The following NOS1AP variants were observed in gnomAD, a reference collection of about 807,000 sequenced individuals.
NOS1AP encodes nitric oxide synthase 1 adaptor protein.
NOS1AP carries 21 observed loss-of-function variants against 56.2 expected under a neutral mutation model. The observed-to-expected ratio is 0.37, with a 90% CI of 0.26 to 0.54. NOS1AP has a LOEUF of 0.54. Among genes scored for constraint, NOS1AP ranks in the 20% least tolerant of loss-of-function variants. The pLI, the probability that NOS1AP is intolerant of heterozygous loss-of-function variation, is 0.84. For synonymous variants in NOS1AP, 270 were observed against 274.6 expected (o/e 0.98, Z 0.17); for missense variants, 522 against 657.8 (o/e 0.79, Z 2.26).
intron 8 of NOS1AP, 164 bp downstream of exon 8, chr1:162,357,300 A>G: frequency 7.9e-7 from 1 of 1,263,210 alleles, no homozygotes; most frequent in Non-Finnish European, 1.1e-6. Flanking sequence ...CGGGAGGGGG[A>G]TAGATGGGGG....
intron 1 of NOS1AP, among the ~76,000 whole-genome samples, chr1:162,139,600 T>TA (rs1649146781): frequency 6.6e-6 from 1 of 152,234 alleles, no homozygotes; most frequent in South Asian, 2.1e-4. Context: ...TGCAGTGGAA[T>TA]AACCCTTTGT....
intron 2 of NOS1AP, among the ~76,000 whole-genome samples, chr1:162,210,167 C>T (rs1234918578): frequency 6.6e-6 from 1 of 152,134 alleles, no homozygotes; most frequent in Non-Finnish European, 1.5e-5. Context: ...GAGAGAGTAT[C>T]ACTTTAACTA....
intron 1 of NOS1AP, among the ~76,000 whole-genome samples, chr1:162,082,433 A>G (rs1469481905): frequency 1.3e-5 from 2 of 152,152 alleles, no homozygotes; most frequent in Admixed American, 6.5e-5. Context: ...AGAATGATTT[A>G]TATTTCTTTA....
intron 2 of NOS1AP, among the ~76,000 whole-genome samples, chr1:162,170,048 G>C (rs1344196668): frequency 6.6e-6 from 1 of 152,076 alleles, no homozygotes; most frequent in African/African-American, 2.4e-5. Flanking sequence ...GCACCCCTTT[G>C]AACTCAGACA....
chr1:162,347,391 G>A (rs928352460), intron 6 of NOS1AP, among the ~76,000 whole-genome samples: 1 of 152,226 alleles, frequency 6.6e-6, no homozygotes, highest in Non-Finnish European at 1.5e-5. Flanking sequence ...TATTCCTGGA[G>A]TGAAAGCGGT....
intron 1 of NOS1AP, among the ~76,000 whole-genome samples, chr1:162,074,389 C>T (rs1044039784): frequency 1.3e-5 from 2 of 152,198 alleles, no homozygotes; most frequent in Non-Finnish European, 2.9e-5. Flanking sequence ...TCCTAACACT[C>T]ATTGCCTAGA....
chr1:162,281,057 C>T (rs1419935430), intron 2 of NOS1AP, among the ~76,000 whole-genome samples: 2 of 152,156 alleles, frequency 1.3e-5, no homozygotes, highest in East Asian at 1.9e-4. Flanking sequence ...TCACGACCAT[C>T]CCCCCAATCA....
chr1:162,104,447 T>G (rs1451685946), intron 1 of NOS1AP, among the ~76,000 whole-genome samples: 1 of 152,236 alleles, frequency 6.6e-6, no homozygotes, highest in Non-Finnish European at 1.5e-5. Flanking sequence ...AATTTGAATG[T>G]TGGCATGTCT....
intron 2 of NOS1AP, among the ~76,000 whole-genome samples, chr1:162,259,714 G>A (rs758019633): frequency 6.6e-6 from 1 of 152,146 alleles, no homozygotes; most frequent in Non-Finnish European, 1.5e-5. Flanking sequence ...GTTTTTAAAA[G>A]CATTAAAACA....
At position 162,119,809 on chromosome 1, in the gene NOS1AP, A is replaced by G. The variant is rs1648129357; in HGVS notation, c.106-34596A>G. ...AAAGGTATTCTTTTCAGATGAGGGG[A>G]TTTACAGAGGCACTTGGAATTGCGT... On this transcript the variant is annotated intron_variant, in intron 1 of 9. Coordinates refer to ENST00000361897, the MANE Select transcript of NOS1AP (RefSeq NM_014697.3). 3.3e-5 allele frequency among the ~76,000 whole-genome samples: 5 copies of G among 152,210 alleles called. No homozygotes were observed. The South Asian group carries it at 1.0e-3, about 32-fold the overall frequency.
intron 2 of NOS1AP, among the ~76,000 whole-genome samples, chr1:162,255,338 G>A (rs919687811): frequency 1.3e-5 from 2 of 152,022 alleles, no homozygotes; most frequent in Non-Finnish European, 1.5e-5. Flanking sequence ...TCCTGTTTCA[G>A]CTGGCCCTGG....
At chr1:162,173,515 A>G (rs1650907093) in intron 2 of NOS1AP, among the ~76,000 whole-genome samples, 1 of 152,250 alleles carries the variant, frequency 6.6e-6, no homozygotes, top group Non-Finnish European at 1.5e-5. Context: ...ATGGGCAAGG[A>G]CTTCATGTCT....
At chr1:162,355,456 A>C in intron 7 of NOS1AP, 103 bp downstream of exon 7, 1 of 1,426,374 alleles carries the variant, frequency 7.0e-7, no homozygotes, top group Admixed American at 1.7e-5. Flanking sequence ...GAGGCACTCC[A>C]TGGCACAGTG....
chr1:162,330,527 G>A (rs185737719), intron 4 of NOS1AP, among the ~76,000 whole-genome samples: 36 of 152,332 alleles, frequency 2.4e-4, no homozygotes, highest in Non-Finnish European at 3.2e-4. Flanking sequence ...TTGGGAAGAT[G>A]CACACACCTA....
chr1:162,135,528 C>A (rs1445799593), intron 1 of NOS1AP, among the ~76,000 whole-genome samples: 1 of 152,114 alleles, frequency 6.6e-6, no homozygotes, highest in Non-Finnish European at 1.5e-5. Context: ...GCAGAACTGG[C>A]ATTTATTTTG....
chr1:162,180,752 G>T (rs74125964), intron 2 of NOS1AP, among the ~76,000 whole-genome samples: 2,127 of 152,228 alleles, frequency 0.014, 59 homozygotes, highest in African/African-American at 0.048. Flanking sequence ...GATGACCCAT[G>T]AGCTTCAGAA....
chr1:162,350,261 G>A (rs1187318803), intron 6 of NOS1AP, among the ~76,000 whole-genome samples: 1 of 152,230 alleles, frequency 6.6e-6, no homozygotes, highest in Non-Finnish European at 1.5e-5. Context: ...GGAAAGTGCT[G>A]TCTTGTCATG....
At chr1:162,305,392 T>G (rs1468548122) in intron 4 of NOS1AP, among the ~76,000 whole-genome samples, 1 of 152,070 alleles carries the variant, frequency 6.6e-6, no homozygotes, top group Non-Finnish European at 1.5e-5. Flanking sequence ...CTCCTATTTT[T>G]TTTTTTTCAG....
At chr1:162,241,196 T>C (rs1215579934) in intron 2 of NOS1AP, among the ~76,000 whole-genome samples, 1 of 152,154 alleles carries the variant, frequency 6.6e-6, no homozygotes, top group East Asian at 1.9e-4. Flanking sequence ...TGACCAAGAA[T>C]TAGCCAGACA....
Sources: allele counts gnomAD v4.1 joint callset (sites outside exome capture counted in the v4.1 genomes callset), GRCh38; gene constraint gnomAD v4.1.1; transcripts MANE v1.5; gene names NCBI Gene and HGNC (gene_info 2026-07-23, HGNC 2026-07-21).